The following TMEM132C variants were observed in gnomAD, a reference collection of about 807,000 sequenced individuals.
TMEM132C encodes protein phosphatase 1, regulatory subunit 152.
A neutral mutation model predicts 61.4 loss-of-function variants in TMEM132C; 29 were observed. The ratio of observed to expected loss-of-function variants is 0.47; its 90% CI spans 0.35 to 0.64. TMEM132C has a LOEUF of 0.64. TMEM132C is among the 30% of genes least tolerant of loss of function. The probability of loss-of-function intolerance (pLI) is 0.00; values close to 1 mark genes in which losing one functional copy is unlikely to be tolerated. For synonymous variants in TMEM132C, 656 were observed against 633.1 expected (o/e 1.04, Z -0.54); for missense variants, 1,408 against 1,476.9 (o/e 0.95, Z 0.76).
chr12:128,430,733 T>C (rs1466388322), intron 2 of TMEM132C, among the ~76,000 whole-genome samples: 1 of 152,182 alleles, frequency 6.6e-6, no homozygotes, highest in Non-Finnish European at 1.5e-5. Context: ...ATATGTGTTA[T>C]GGAGATCTGT....
At chr12:128,316,629 T>G (rs1410342829) in intron 1 of TMEM132C, among the ~76,000 whole-genome samples, 1 of 152,162 alleles carries the variant, frequency 6.6e-6, no homozygotes, top group Non-Finnish European at 1.5e-5. Context: ...AACTTAAAAT[T>G]ACGCCTATTC....
At position 128,705,405 on chromosome 12, in the gene TMEM132C, G is replaced by A. The variant is rs2135663910; in HGVS notation, c.2437G>A (p.Glu813Lys). 1.3e-6 allele frequency: 2 copies of A among 1,551,072 alleles called. No homozygotes were observed. The highest frequency in any genetic ancestry group is 2.7e-5 in the African/African-American group (2 of 73,178). ...DADSSPGGDY[E>K]EDEIKNHASD... ...TGACTCCAGCCCCGGCGGGGACTAT[G>A]AGGAAGATGAGATCAAGAACCACGC... The change falls in exon 9 of 9, where the codon GAG becomes AAG. Residue 813 changes from glutamate to lysine, a missense_variant. Physicochemically the swap from Glu to Lys is moderately conservative, Grantham distance 56. Transcript: ENST00000435159.
chr12:128,381,315 T>C (rs753452314), intron 1 of TMEM132C, among the ~76,000 whole-genome samples: 1 of 152,168 alleles, frequency 6.6e-6, no homozygotes, highest in African/African-American at 2.4e-5. Flanking sequence ...ATGATGGGGC[T>C]TGACTGTGAA....
chr12:128,410,001 G>A (rs1868477893), intron 1 of TMEM132C, among the ~76,000 whole-genome samples: 1 of 152,034 alleles, frequency 6.6e-6, no homozygotes, highest in Admixed American at 6.6e-5. Flanking sequence ...ATAATAATAT[G>A]GTGGGGCATT....
At chr12:128,585,163 C>A (rs1002847927) in intron 3 of TMEM132C, among the ~76,000 whole-genome samples, 3 of 152,226 alleles carry the variant, frequency 2.0e-5, no homozygotes, top group Non-Finnish European at 2.9e-5. Flanking sequence ...ACACTATGTT[C>A]TTGATGCCAA....
At chr12:128,507,958 CAT>C (rs540382658) in intron 2 of TMEM132C, among the ~76,000 whole-genome samples, 21 of 152,268 alleles carry the variant, frequency 1.4e-4, no homozygotes, top group African/African-American at 5.1e-4. Flanking sequence ...CAGGTACTAA[CAT>C]ATTGTCTGAT....
At chr12:128,554,857 G>A (rs1456317116) in intron 3 of TMEM132C, among the ~76,000 whole-genome samples, 1 of 152,182 alleles carries the variant, frequency 6.6e-6, no homozygotes, top group Non-Finnish European at 1.5e-5. Flanking sequence ...GGATCCTGGT[G>A]CCTGGCGTGG....
chr12:128,401,587 T>G lies in TMEM132C; in HGVS notation c.86-13145T>G, dbSNP rs572087018. On this transcript the variant is annotated intron_variant, in intron 1 of 8. Coordinates refer to ENST00000435159, the MANE Select transcript of TMEM132C (RefSeq NM_001136103.3). The stretch of plus-strand genomic sequence containing the variant: ...ATTTTCGGAAAGGATCAACGACTTT[T>G]TAGATAAGTTTCATCAAAGTCTGAT... 1.2e-4 allele frequency among the ~76,000 whole-genome samples: 18 copies of G among 152,294 alleles called. No individual in the cohort carries two copies. The South Asian group carries it at 3.7e-3, about 32-fold the overall frequency.
Position 128,697,398 on chromosome 12 carries a change from C to G in TMEM132C, c.2104C>G (p.Leu702Val). The G allele has an allele frequency of 6.5e-7, 1 of 1,540,470 alleles. No individual in the cohort carries two copies. The highest frequency in any genetic ancestry group is 2.5e-5 in the East Asian group (1 of 40,620). Residue 702 changes from leucine (L) to valine (V), a missense_variant, in exon 8 of 9, where the codon CTG (leucine) becomes GTG (valine). Coordinates refer to ENST00000435159, the MANE Select transcript of TMEM132C (RefSeq NM_001136103.3). ...VTAVVTAEEV[L>V]RTPKQEAVFS... is the part of the protein sequence containing the mutation. ...AGCTGTGGTCACAGCTGAGGAGGTG[C>G]TGCGGACCCCCAAACAGGTAGGGGG...
intron 3 of TMEM132C, among the ~76,000 whole-genome samples, chr12:128,562,658 C>T (rs1213949069): frequency 6.6e-6 from 1 of 152,200 alleles, no homozygotes; most frequent in East Asian, 1.9e-4. Flanking sequence ...TGGGCTGAGG[C>T]TCTGCATGCC....
At chr12:128,327,204 G>C (rs1872549359) in intron 1 of TMEM132C, among the ~76,000 whole-genome samples, 1 of 149,988 alleles carries the variant, frequency 6.7e-6, no homozygotes, top group Non-Finnish European at 1.5e-5. Flanking sequence ...GAAAATATCA[G>C]TTGTGATGAA....
At chr12:128,308,221 C>G (rs1318552300) in intron 1 of TMEM132C, among the ~76,000 whole-genome samples, 3 of 152,182 alleles carry the variant, frequency 2.0e-5, no homozygotes, top group Non-Finnish European at 2.9e-5. Flanking sequence ...TCTTTGGGAC[C>G]CAGATCTTTC....
At chr12:128,488,332 TA>T (rs1871574459) in intron 2 of TMEM132C, among the ~76,000 whole-genome samples, 1 of 152,198 alleles carries the variant, frequency 6.6e-6, no homozygotes, top group East Asian at 1.9e-4. Context: ...CCTGGCAAAT[TA>T]ACATTATGCA....
intron 4 of TMEM132C, among the ~76,000 whole-genome samples, chr12:128,649,698 T>C (rs1226150720): frequency 1.3e-5 from 2 of 152,180 alleles, no homozygotes; most frequent in Non-Finnish European, 2.9e-5. Context: ...CTTGGCTAGG[T>C]TGAAAAAAAA....
intron 1 of TMEM132C, among the ~76,000 whole-genome samples, chr12:128,368,323 G>T (rs897705737): frequency 1.3e-5 from 2 of 152,206 alleles, no homozygotes; most frequent in Admixed American, 6.5e-5. Context: ...GCAAGGTAGC[G>T]CAGTGGTTAT....
chr12:128,411,236 CTT>C (rs1044575528), intron 1 of TMEM132C, among the ~76,000 whole-genome samples: 1 of 152,074 alleles, frequency 6.6e-6, no homozygotes, highest in African/African-American at 2.4e-5. Flanking sequence ...TTGGGGCTAA[CTT>C]GTTGGAAGAC....
intron 2 of TMEM132C, among the ~76,000 whole-genome samples, chr12:128,481,728 C>T (rs910363736): frequency 3.9e-5 from 6 of 152,120 alleles, no homozygotes; most frequent in African/African-American, 7.2e-5. Context: ...GTGCCAGATG[C>T]GGCACTGTGC....
chr12:128,307,592 C>T (rs1253488337), intron 1 of TMEM132C, among the ~76,000 whole-genome samples: 2 of 152,154 alleles, frequency 1.3e-5, no homozygotes, highest in East Asian at 3.9e-4. Context: ...TTATGAATTC[C>T]TTCATCCAGT....
chr12:128,479,056 C>T (rs1215078390), intron 2 of TMEM132C, among the ~76,000 whole-genome samples: 1 of 152,174 alleles, frequency 6.6e-6, no homozygotes, highest in African/African-American at 2.4e-5. Flanking sequence ...AACATCATGT[C>T]CTTTGCAAGG....
Sources: gnomAD v4.1 joint callset for allele counts (sites outside exome capture counted in the v4.1 genomes callset) on GRCh38, gnomAD v4.1.1 for gene constraint, MANE v1.5 for transcripts, NCBI Gene and HGNC (gene_info 2026-07-23, HGNC 2026-07-21) for gene names.